RNF111: variants seen among roughly 807,000 people sequenced by gnomAD.
The protein encoded by RNF111 is ring finger protein 111, also known as E3 ubiquitin-protein ligase Arkadia.
A neutral mutation model predicts 95.1 loss-of-function variants in RNF111; 17 were observed. That is an observed-to-expected ratio of 0.18 (90% CI 0.12 to 0.27). The LOEUF is 0.27. Ranked by LOEUF, RNF111 falls within the 10% of genes least tolerant of loss-of-function variation. RNF111 has a pLI of 1.00. For synonymous variants in RNF111, 440 were observed against 414.8 expected (o/e 1.06, Z -0.74); for missense variants, 1,189 against 1,210.4 (o/e 0.98, Z 0.26).
intron 8 of RNF111, among the ~76,000 whole-genome samples, chr15:59,082,165 T>C (rs943154102): frequency 3.3e-5 from 5 of 152,218 alleles, no homozygotes; most frequent in African/African-American, 1.2e-4. Context: ...CCCCTGCCTT[T>C]CCCTAAATTG....
intron 3 of RNF111, 78 bp from the exon 4 acceptor site, chr15:59,055,593 TAACATTTAGTA>T (rs1286944835): frequency 4.9e-6 from 5 of 1,022,034 alleles, no homozygotes; most frequent in Non-Finnish European, 6.8e-6. Context: ...ATGAAAAACT[TAACATTTAGTA>T]AGAAAGGCTT....
Position 59,016,450 on chromosome 15 carries a change from C to G in RNF111, c.-19-14354C>G, listed in dbSNP as rs573008139. 3.9e-5 allele frequency among the ~76,000 whole-genome samples: 6 copies of G among 152,252 alleles called. No individual in the cohort carries two copies. The South Asian group carries it at 1.2e-3, about 32-fold the overall frequency. ...AATTATTTATATTCTGTAATTCTTT[C>G]CATCATCCTAAATTGTGAGCTTCTT... On this transcript the variant is annotated intron_variant, in intron 1 of 13. Coordinates refer to ENST00000348370, the MANE Select transcript of RNF111 (RefSeq NM_017610.8).
chr15:59,051,514 G>A (rs756046644), intron 2 of RNF111, among the ~76,000 whole-genome samples: 2 of 150,652 alleles, frequency 1.3e-5, no homozygotes, highest in East Asian at 2.0e-4. Context: ...AGTGGCTCAC[G>A]CCTATAATCC....
intron 6 of RNF111, among the ~76,000 whole-genome samples, chr15:59,074,948 A>AG (rs1189348197): frequency 6.6e-6 from 1 of 152,226 alleles, no homozygotes; most frequent in Non-Finnish European, 1.5e-5. Context: ...CTCAGGGAAT[A>AG]GGGAGGCCCA....
chr15:59,096,320 G>A lies in RNF111; in HGVS notation c.*1420G>A, dbSNP rs1404101283. 1 of 359,708 alleles carries A rather than the reference G, an allele frequency of 2.8e-6. No homozygotes were observed. The highest frequency in any genetic ancestry group is 4.9e-6 in the Non-Finnish European group (1 of 202,098). The allele number at this position is 359,708 out of a possible 1,614,324, so 22.3% of individuals were successfully genotyped here. On this transcript the variant is annotated 3_prime_UTR_variant, in exon 14 of 14. Coordinates refer to ENST00000348370, the MANE Select transcript of RNF111 (RefSeq NM_017610.8). ...CATCCAGTCAGTAATATCACTGTCT[G>A]TATGTGGAGGACATGTTCCCATGGA...
rs573225363 is a variant in RNF111, at chr15:59,021,201, A to T, written c.-19-9603A>T. 2.0e-5 allele frequency among the ~76,000 whole-genome samples: 3 copies of T among 152,250 alleles called. No individual in the cohort carries two copies. In the South Asian group the frequency reaches 6.2e-4, roughly 32 times the overall value. On this transcript the variant is annotated intron_variant, in intron 1 of 13. Coordinates refer to ENST00000348370, the MANE Select transcript of RNF111 (RefSeq NM_017610.8). ...AGTCTTGCTCTGTTGCCCAGGATGG[A>T]GTGCAGTGATGCGATCTCGGCTCAC...
At chr15:59,089,853 A>G in intron 11 of RNF111, 94 bp downstream of exon 11, 1 of 767,490 alleles carries the variant, frequency 1.3e-6, no homozygotes, top group Non-Finnish European at 2.1e-6. Flanking sequence ...TAGGACTGCT[A>G]CAGTGGCTGG....
chr15:59,073,285 G>A (rs1171389212), intron 6 of RNF111, among the ~76,000 whole-genome samples: 1 of 152,028 alleles, frequency 6.6e-6, no homozygotes, highest in African/African-American at 2.4e-5. Flanking sequence ...GACCAGCGTG[G>A]GCAACATGGT....
At chr15:59,017,826 C>T (rs1380077990) in intron 1 of RNF111, among the ~76,000 whole-genome samples, 2 of 143,956 alleles carry the variant, frequency 1.4e-5, no homozygotes, top group South Asian at 2.2e-4. Flanking sequence ...GGCACAATCT[C>T]GGCTCTCTGC....
chr15:59,063,974 T>C (rs1365559569), intron 5 of RNF111, among the ~76,000 whole-genome samples: 5 of 152,194 alleles, frequency 3.3e-5, no homozygotes, highest in African/African-American at 7.2e-5. Flanking sequence ...TATAACACTT[T>C]TACATAGAGA....
At chr15:59,063,153 C>T (rs78271469) in intron 5 of RNF111, among the ~76,000 whole-genome samples, 1,824 of 152,298 alleles carry the variant, frequency 0.012, 38 homozygotes, top group African/African-American at 0.041. Context: ...TGATTGCATG[C>T]TGCTTTTCCC....
chr15:59,037,976 T>G (rs1390136486), intron 2 of RNF111, among the ~76,000 whole-genome samples: 1 of 152,226 alleles, frequency 6.6e-6, no homozygotes. Context: ...TCTATCTTGC[T>G]TTGAAATACA....
intron 3 of RNF111, 140 bp downstream of exon 3, chr15:59,052,571 T>TA: frequency 4.8e-6 from 1 of 207,918 alleles, no homozygotes; most frequent in African/African-American, 3.8e-5. Flanking sequence ...ATTAGTGGAT[T>TA]TTTTTTTTTT....
At position 59,040,605 on chromosome 15, in the gene RNF111, T is replaced by A. The variant is rs182256182; in HGVS notation, c.880+8903T>A. On this transcript the variant is annotated intron_variant, in intron 2 of 13. Transcript: ENST00000348370. Reference sequence around the variant, plus strand: ...CTGAAAACTCTGATTCTTAACAATATTAACCATTGCTTATTTGCCTTGTCG... The same window carrying A: ...CTGAAAACTCTGATTCTTAACAATAATAACCATTGCTTATTTGCCTTGTCG... 5.3e-5 allele frequency among the ~76,000 whole-genome samples: 8 copies of A among 152,364 alleles called. No individual in the cohort carries two copies. The East Asian group carries it at 1.5e-3, about 29-fold the overall frequency.
chr15:59,067,162 T>G, intron 6 of RNF111, 79 bp downstream of exon 6: 2 of 1,196,768 alleles, frequency 1.7e-6, no homozygotes, highest in Non-Finnish European at 2.4e-6. Context: ...TTCTCTCTCT[T>G]CCTCTTCCTT....
chr15:59,045,115 A>G (rs925421582), intron 2 of RNF111, among the ~76,000 whole-genome samples: 1 of 151,632 alleles, frequency 6.6e-6, no homozygotes, highest in Non-Finnish European at 1.5e-5. Flanking sequence ...AGGTTTCAAA[A>G]TGTTACATAA....
intron 1 of RNF111, among the ~76,000 whole-genome samples, chr15:59,028,733 A>G (rs918474566): frequency 4.6e-5 from 7 of 151,074 alleles, no homozygotes; most frequent in Admixed American, 2.0e-4. Context: ...TCTCTTGGGT[A>G]CATACCTAGG....
At chr15:59,051,846 A>G (rs1378454394) in intron 2 of RNF111, among the ~76,000 whole-genome samples, 2 of 152,226 alleles carry the variant, frequency 1.3e-5, no homozygotes, top group South Asian at 4.1e-4. Flanking sequence ...ACATAAAACT[A>G]AAAAGCTACA....
chr15:58,991,523 A>G (rs11636644), intron 1 of RNF111, among the ~76,000 whole-genome samples: 6 of 152,108 alleles, frequency 3.9e-5, no homozygotes, highest in Non-Finnish European at 7.4e-5. Context: ...GGAAAATAGG[A>G]CCATGTGATA....
Sources: allele counts gnomAD v4.1 joint callset (sites outside exome capture counted in the v4.1 genomes callset), GRCh38; gene constraint gnomAD v4.1.1; transcripts MANE v1.5; gene names NCBI Gene and HGNC (gene_info 2026-07-23, HGNC 2026-07-21).